Variants in ARHGAP26 observed in about 807,000 individuals in gnomAD.
The protein encoded by ARHGAP26 is rho GTPase-activating protein 26.
Under a neutral mutation model 104.8 loss-of-function variants are expected in ARHGAP26, and 38 were observed. That is an observed-to-expected ratio of 0.36 (90% CI 0.28 to 0.48). ARHGAP26 has a LOEUF of 0.48. Ranked by LOEUF, ARHGAP26 falls within the 20% of genes least tolerant of loss-of-function variation. The pLI is 0.99. For synonymous variants in ARHGAP26, 341 were observed against 340.0 expected, an observed-to-expected ratio of 1.00 and a Z score of -0.03; for missense variants, 704 against 947.9, an observed-to-expected ratio of 0.74 and a Z score of 3.38.
intron 17 of ARHGAP26, among the ~76,000 whole-genome samples, chr5:143,093,792 TCCTC>T (rs1791848378): frequency 6.6e-6 from 1 of 152,148 alleles, no homozygotes; most frequent in Non-Finnish European, 1.5e-5. Context: ...TACTCTTTCT[TCCTC>T]TGAGAAGAAA....
chr5:142,842,225 T>G (rs1247387266), intron 1 of ARHGAP26, among the ~76,000 whole-genome samples: 2 of 152,244 alleles, frequency 1.3e-5, no homozygotes, highest in Non-Finnish European at 2.9e-5. Flanking sequence ...TCTTCTGTGG[T>G]CACCTTTCCT....
intron 7 of ARHGAP26, among the ~76,000 whole-genome samples, chr5:142,903,310 A>C (rs1431098489): frequency 6.6e-6 from 1 of 152,156 alleles, no homozygotes; most frequent in Non-Finnish European, 1.5e-5. Flanking sequence ...GGGCATTTGC[A>C]TTTTCTATAA....
intron 1 of ARHGAP26, among the ~76,000 whole-genome samples, chr5:142,805,091 T>C (rs933257593): frequency 6.6e-6 from 1 of 151,868 alleles, no homozygotes; most frequent in African/African-American, 2.4e-5. Context: ...TCTTTTTCTT[T>C]TTTTCCTTTC....
At chr5:142,896,942 A>T (rs555515623) in intron 6 of ARHGAP26, among the ~76,000 whole-genome samples, 128 of 152,342 alleles carry the variant, frequency 8.4e-4, no homozygotes, top group Non-Finnish European at 1.5e-3. Flanking sequence ...CTTAGCAATT[A>T]TTATTTTTTA....
At chr5:142,801,992 T>A (rs888918758) in intron 1 of ARHGAP26, among the ~76,000 whole-genome samples, 2 of 152,130 alleles carry the variant, frequency 1.3e-5, no homozygotes, top group Non-Finnish European at 2.9e-5. Flanking sequence ...AAAAACTAGA[T>A]TGAAAGAAGA....
intron 1 of ARHGAP26, among the ~76,000 whole-genome samples, chr5:142,819,944 G>T (rs1765797312): frequency 6.6e-6 from 1 of 152,196 alleles, no homozygotes; most frequent in Non-Finnish European, 1.5e-5. Flanking sequence ...CAGGAGGCCT[G>T]TGAAGCCCTT....
chr5:143,081,993 GA>G (rs1308118276), intron 17 of ARHGAP26, among the ~76,000 whole-genome samples: 74 of 129,240 alleles, frequency 5.7e-4, no homozygotes, highest in South Asian at 2.1e-3. Context: ...CTGGGTAACA[GA>G]GGGAGACTCC....
chr5:142,792,611 T>G (rs1377844053), intron 1 of ARHGAP26, among the ~76,000 whole-genome samples: 3 of 152,214 alleles, frequency 2.0e-5, no homozygotes, highest in Non-Finnish European at 4.4e-5. Context: ...TAAAATGTGT[T>G]GCCAAATGTA....
At chr5:142,816,151 T>A (rs1231174772) in intron 1 of ARHGAP26, among the ~76,000 whole-genome samples, 1 of 152,120 alleles carries the variant, frequency 6.6e-6, no homozygotes, top group Non-Finnish European at 1.5e-5. Context: ...ATAGAGATAT[T>A]GCTAACTGTA....
intron 11 of ARHGAP26, among the ~76,000 whole-genome samples, chr5:142,998,057 G>T (rs1776662595): frequency 6.6e-6 from 1 of 152,146 alleles, no homozygotes; most frequent in African/African-American, 2.4e-5. Flanking sequence ...GAACCTAACT[G>T]TGTTTCTCCT....
intron 1 of ARHGAP26, among the ~76,000 whole-genome samples, chr5:142,782,816 T>C (rs1757790102): frequency 6.6e-6 from 1 of 152,196 alleles, no homozygotes; most frequent in Admixed American, 6.5e-5. Flanking sequence ...TGCTTAGCAG[T>C]GTAAGCAGGC....
chr5:142,952,031 A>C (rs1267208740), intron 11 of ARHGAP26, among the ~76,000 whole-genome samples: 1 of 152,028 alleles, frequency 6.6e-6, no homozygotes, highest in Non-Finnish European at 1.5e-5. Context: ...GTGTCATTTC[A>C]GTTTCTGCCT....
intron 1 of ARHGAP26, among the ~76,000 whole-genome samples, chr5:142,776,367 G>A (rs953417937): frequency 6.6e-6 from 1 of 152,158 alleles, no homozygotes; most frequent in Non-Finnish European, 1.5e-5. Context: ...TTAGCACCCC[G>A]AAAAGCTTTC....
At chr5:143,084,516 G>A (rs946699757) in intron 17 of ARHGAP26, among the ~76,000 whole-genome samples, 88 of 152,288 alleles carry the variant, frequency 5.8e-4, no homozygotes, top group African/African-American at 2.1e-3. Flanking sequence ...CAGATTTGGA[G>A]GGAGGCGTGT....
chr5:142,806,613 A>T (rs1000926829), intron 1 of ARHGAP26, among the ~76,000 whole-genome samples: 2 of 151,932 alleles, frequency 1.3e-5, no homozygotes, highest in Non-Finnish European at 2.9e-5. Flanking sequence ...CTTCTTCCGT[A>T]TTTTCTTACA....
At chr5:143,178,557 G>C (rs898435986) in intron 20 of ARHGAP26, among the ~76,000 whole-genome samples, 1 of 152,180 alleles carries the variant, frequency 6.6e-6, no homozygotes, top group African/African-American at 2.4e-5. Flanking sequence ...AGCCTTCCCT[G>C]CTGCCCTGCC....
intron 19 of ARHGAP26, among the ~76,000 whole-genome samples, chr5:143,141,405 T>C (rs939526566): frequency 1.3e-5 from 2 of 152,210 alleles, no homozygotes; most frequent in Admixed American, 6.5e-5. Flanking sequence ...AGCAGATCGA[T>C]TGGACATTTA....
chr5:142,814,604 A>G (rs1047195736), intron 1 of ARHGAP26, among the ~76,000 whole-genome samples: 1 of 152,210 alleles, frequency 6.6e-6, no homozygotes, highest in Non-Finnish European at 1.5e-5. Flanking sequence ...GAGATAAACA[A>G]GTAAATAAGA....
intron 11 of ARHGAP26, among the ~76,000 whole-genome samples, chr5:142,982,237 A>G (rs768319205): frequency 2.6e-5 from 4 of 152,260 alleles, no homozygotes; most frequent in African/African-American, 9.6e-5. Context: ...AGCAGTCCAG[A>G]TGGCTGGCTG....
Sources: gnomAD v4.1 joint callset for allele counts (sites outside exome capture counted in the v4.1 genomes callset) on GRCh38, gnomAD v4.1.1 for gene constraint, MANE v1.5 for transcripts, NCBI Gene and HGNC (gene_info 2026-07-23, HGNC 2026-07-21) for gene names.